The following LRIF1 variants were observed in gnomAD, a reference collection of about 807,000 sequenced individuals.
LRIF1 encodes ligand-dependent nuclear receptor-interacting factor 1.
In LRIF1, 32 loss-of-function variants were observed where a neutral mutation model predicts 52.7. The ratio of observed to expected loss-of-function variants is 0.61; its 90% confidence interval spans 0.46 to 0.82. The LOEUF is 0.82. LRIF1 is among the 40% of genes least tolerant of loss of function. LRIF1 has a pLI of 0.00. For synonymous variants in LRIF1, 323 were observed against 317.4 expected (o/e 1.02, Z -0.19); for missense variants, 887 against 892.0 (o/e 0.99, Z 0.07).
the LRIF1 span, among the ~76,000 whole-genome samples, chr1:110,886,542 G>A: frequency 6.6e-6 from 1 of 151,992 alleles, no homozygotes; most frequent in Non-Finnish European, 1.5e-5. Flanking sequence ...ATGATGCTCT[G>A]TTCATTTAAA....
the LRIF1 span, chr1:110,895,064 A>T: frequency 6.3e-7 from 1 of 1,590,844 alleles, no homozygotes; most frequent in Non-Finnish European, 8.6e-7. Context: ...TTGTGAGTAC[A>T]GGTGGAATCC....
the LRIF1 span, among the ~76,000 whole-genome samples, chr1:110,930,205 T>C: frequency 6.6e-6 from 1 of 152,216 alleles, no homozygotes; most frequent in Non-Finnish European, 1.5e-5. Context: ...TTTTTCCTTA[T>C]CTTTCATGAC....
chr1:110,960,479 G>A (rs1658905919), intron 1 of LRIF1, among the ~76,000 whole-genome samples: 1 of 152,116 alleles, frequency 6.6e-6, no homozygotes, highest in South Asian at 2.1e-4. Context: ...GAATACAAAT[G>A]GTTATGGGAA....
the LRIF1 span, among the ~76,000 whole-genome samples, chr1:110,902,507 A>G: frequency 6.8e-6 from 1 of 147,910 alleles, no homozygotes; most frequent in Non-Finnish European, 1.5e-5. Flanking sequence ...AAAAAAAAAA[A>G]AAAAAAAAAA....
the LRIF1 span, chr1:110,899,158 G>A: frequency 6.2e-7 from 1 of 1,613,848 alleles, no homozygotes; most frequent in East Asian, 2.2e-5. Flanking sequence ...ACCCTGAACT[G>A]CCAGATTGAC....
rs1221264346 is a variant in LRIF1 at position 110,963,611 on chromosome 1, C to T, written c.68+10G>A. The stretch of plus-strand genomic sequence containing the variant: ...GGCAGCCGTGGGGAGGATTCGAAAC[C>T]GGTACTTACCAACGCGAGGCGTTGC... On this transcript the variant is annotated intron_variant, in intron 1 of 3. Transcript: ENST00000369763. The T allele has an allele frequency of 3.7e-6, 6 of 1,604,234 alleles. No individual in the cohort carries two copies. Among genetic ancestry groups the T allele is most frequent in the South Asian group, 1.1e-5 (1 of 90,522 alleles).
At chr1:110,881,142 A>C in the LRIF1 span, among the ~76,000 whole-genome samples, 17 of 152,230 alleles carry the variant, frequency 1.1e-4, no homozygotes, top group South Asian at 3.5e-3. Flanking sequence ...ACATGCATAA[A>C]TCCATCACCA....
chr1:110,914,037 A>T, the LRIF1 span, among the ~76,000 whole-genome samples: 2 of 152,350 alleles, frequency 1.3e-5, no homozygotes, highest in South Asian at 4.1e-4. Context: ...AGACTTGCTT[A>T]GGATAATGCA....
chr1:110,900,553 G>T, the LRIF1 span, among the ~76,000 whole-genome samples: 1 of 152,088 alleles, frequency 6.6e-6, no homozygotes, highest in Non-Finnish European at 1.5e-5. Flanking sequence ...TTTTAGTAGA[G>T]ATGGGGTTTC....
At chr1:110,931,873 T>A in the LRIF1 span, among the ~76,000 whole-genome samples, 186 of 152,330 alleles carry the variant, frequency 1.2e-3, no homozygotes, top group Middle Eastern at 3.4e-3. Flanking sequence ...TCTTTGTATA[T>A]TCTGGATATT....
At chr1:110,880,807 G>A in the LRIF1 span, among the ~76,000 whole-genome samples, 1 of 152,078 alleles carries the variant, frequency 6.6e-6, no homozygotes, top group East Asian at 1.9e-4. Context: ...AAAACAAAAT[G>A]GTTAGTACAA....
chr1:110,875,072 T>G, the LRIF1 span, among the ~76,000 whole-genome samples: 2 of 152,134 alleles, frequency 1.3e-5, no homozygotes, highest in East Asian at 3.9e-4. Flanking sequence ...GAGTTAGGAG[T>G]GTGCCAAAAA....
chr1:110,932,639 C>T, the LRIF1 span, among the ~76,000 whole-genome samples: 8,740 of 151,982 alleles, frequency 0.058, 293 homozygotes, highest in East Asian at 0.13. Flanking sequence ...ATTATTGATG[C>T]TTATCTTGAT....
chr1:110,881,591 A>G, the LRIF1 span, among the ~76,000 whole-genome samples: 3 of 152,232 alleles, frequency 2.0e-5, no homozygotes, highest in Non-Finnish European at 2.9e-5. Context: ...CCTAGTATGG[A>G]CATATGCTTT....
At position 110,950,119 on chromosome 1, in the gene LRIF1, T is replaced by G. The variant is rs749424446; in HGVS notation, c.1601A>C (p.His534Pro). Reference sequence around the variant, plus strand: ...ATCTGATGTTGATGCCATCTCATTATGGATCTGGAATTAGGAAAAGAAAAC... The same window carrying G: ...ATCTGATGTTGATGCCATCTCATTAGGGATCTGGAATTAGGAAAAGAAAAC... ...CVFRDQEPKI[H>P]NEMASTSDKG... The change falls in exon 3 of 4, where the codon CAT becomes CCT. Residue 534 changes from histidine (H) to proline (P), a missense_variant. Physicochemically the swap from His to Pro is moderately conservative, Grantham distance 77. Transcript: ENST00000369763. The G allele has an allele frequency of 6.2e-7, 1 of 1,609,068 alleles. No individual in the cohort carries two copies. The highest frequency in any genetic ancestry group is 1.7e-5 in the Admixed American group (1 of 59,682).
the LRIF1 span, among the ~76,000 whole-genome samples, chr1:110,886,255 T>C: frequency 6.6e-6 from 1 of 152,292 alleles, no homozygotes; most frequent in South Asian, 2.1e-4. Context: ...CCATAACATG[T>C]CTTTTTTTCC....
chr1:110,949,356 G>T (rs1262629748), intron 3 of LRIF1, among the ~76,000 whole-genome samples: 4 of 151,458 alleles, frequency 2.6e-5, no homozygotes, highest in Non-Finnish European at 4.4e-5. Context: ...TTGACCTCGT[G>T]ATCCGCCCGC....
intron 1 of LRIF1, among the ~76,000 whole-genome samples, chr1:110,956,647 G>A (rs1658711361): frequency 6.6e-6 from 1 of 152,114 alleles, no homozygotes; most frequent in Non-Finnish European, 1.5e-5. Context: ...AAAGTAGATA[G>A]GTGCAACAGA....
chr1:110,947,653 CA>C lies in LRIF1; in HGVS notation c.*305del. The C allele has an allele frequency of 4.8e-6, 1 of 207,342 alleles. No homozygotes were observed. The highest frequency in any genetic ancestry group is 9.6e-6 in the Non-Finnish European group (1 of 104,584). The allele number at this position is 207,342 out of a possible 1,614,324, so 12.8% of individuals were successfully genotyped here. A position where few individuals can be genotyped will look rare whatever the true frequency, so the allele number is the denominator to read the frequency against. On this transcript the variant is annotated 3_prime_UTR_variant, in exon 4 of 4. Coordinates refer to ENST00000369763, the MANE Select transcript of LRIF1 (RefSeq NM_018372.4). ...TGCCTGAGCAATTTAGGTAAAGATA[CA>C]AACAATAACAAAAACCCTGCCCAAA... is the stretch of plus-strand genomic sequence containing the variant.
Sources: allele counts gnomAD v4.1 joint callset (sites outside exome capture counted in the v4.1 genomes callset), GRCh38; gene constraint gnomAD v4.1.1; transcripts MANE v1.5; gene names NCBI Gene and HGNC (gene_info 2026-07-23, HGNC 2026-07-21).